Variants in ZNF892 observed in about 807,000 individuals in gnomAD.
ZNF892 encodes zinc finger protein 892.
At chr2:95,255,482 G>C in the ZNF892 span, among the ~76,000 whole-genome samples, 1 of 152,140 alleles carries the variant, frequency 6.6e-6, no homozygotes, top group African/African-American at 2.4e-5. Flanking sequence ...ATTTGCTGAG[G>C]AGTGCTTTAC....
At chr2:95,249,617 T>A in the ZNF892 span, among the ~76,000 whole-genome samples, 1 of 152,080 alleles carries the variant, frequency 6.6e-6, no homozygotes. Flanking sequence ...AATATTTGAA[T>A]CATCTCAATA....
At chr2:95,245,820 A>G in the ZNF892 span, among the ~76,000 whole-genome samples, 2 of 152,210 alleles carry the variant, frequency 1.3e-5, no homozygotes, top group South Asian at 4.1e-4. Context: ...AATCAGGAAG[A>G]AATTAAATCC....
the ZNF892 span, among the ~76,000 whole-genome samples, chr2:95,241,897 A>C: frequency 6.6e-6 from 1 of 152,186 alleles, no homozygotes; most frequent in African/African-American, 2.4e-5. Context: ...AAAGAATCTC[A>C]GAGCTCAAAG....
At chr2:95,223,640 A>G in the ZNF892 span, among the ~76,000 whole-genome samples, 27 of 152,302 alleles carry the variant, frequency 1.8e-4, no homozygotes, top group African/African-American at 4.6e-4. Context: ...AGCTCAAGCA[A>G]TCTGCCCACC....
the ZNF892 span, among the ~76,000 whole-genome samples, chr2:95,258,497 G>A: frequency 1.3e-5 from 2 of 152,160 alleles, no homozygotes; most frequent in African/African-American, 2.4e-5. Context: ...AATGGACGTG[G>A]GTTACAGATT....
At chr2:95,246,974 A>C in the ZNF892 span, among the ~76,000 whole-genome samples, 1 of 152,238 alleles carries the variant, frequency 6.6e-6, no homozygotes, top group African/African-American at 2.4e-5. Flanking sequence ...TTAAACTACC[A>C]TCAACATTCT....
the ZNF892 span, chr2:95,215,653 A>G: frequency 7.5e-6 from 3 of 398,384 alleles, no homozygotes; most frequent in East Asian, 1.1e-4. Context: ...AGCATTTACC[A>G]TACTTGCTGT....
chr2:95,262,534 A>T, the ZNF892 span, among the ~76,000 whole-genome samples: 2 of 152,206 alleles, frequency 1.3e-5, no homozygotes, highest in African/African-American at 4.8e-5. Context: ...TGAGACCAGG[A>T]GGGATACACC....
At chr2:95,220,375 G>C in the ZNF892 span, among the ~76,000 whole-genome samples, 1 of 147,792 alleles carries the variant, frequency 6.8e-6, no homozygotes, top group Admixed American at 6.7e-5. Context: ...GTCTGTGCCT[G>C]TTGGCGTTTC....
the ZNF892 span, among the ~76,000 whole-genome samples, chr2:95,252,037 C>A: frequency 6.6e-6 from 1 of 152,134 alleles, no homozygotes; most frequent in Non-Finnish European, 1.5e-5. Context: ...TTCGGAGTCG[C>A]AAAGAAAATG....
At chr2:95,245,153 C>G in the ZNF892 span, among the ~76,000 whole-genome samples, 1 of 150,704 alleles carries the variant, frequency 6.6e-6, no homozygotes, top group Non-Finnish European at 1.5e-5. Flanking sequence ...AGCAAACAAA[C>G]TGCAGAAGAC....
At chr2:95,260,322 T>G in the ZNF892 span, among the ~76,000 whole-genome samples, 1 of 152,176 alleles carries the variant, frequency 6.6e-6, no homozygotes, top group Non-Finnish European at 1.5e-5. Context: ...TGCCACCTCC[T>G]TGCTTCACAC....
chr2:95,232,391 A>T, the ZNF892 span, among the ~76,000 whole-genome samples: 264 of 152,368 alleles, frequency 1.7e-3, no homozygotes, highest in African/African-American at 5.9e-3. Flanking sequence ...GTGACATTCC[A>T]GTGCTTGTGA....
the ZNF892 span, among the ~76,000 whole-genome samples, chr2:95,219,100 G>A: frequency 2.0e-5 from 3 of 152,132 alleles, no homozygotes; most frequent in East Asian, 1.9e-4. Context: ...CCAGGTTCAC[G>A]CCATTCTCCT....
At chr2:95,206,607 T>C in the ZNF892 span, among the ~76,000 whole-genome samples, 1 of 152,232 alleles carries the variant, frequency 6.6e-6, no homozygotes, top group African/African-American at 2.4e-5. Flanking sequence ...GCTTTAAATC[T>C]TTCATTATAA....
the ZNF892 span, among the ~76,000 whole-genome samples, chr2:95,235,580 C>T: frequency 6.6e-6 from 1 of 152,126 alleles, no homozygotes. Flanking sequence ...CCAGGATGGT[C>T]TTGATCTCCT....
the ZNF892 span, among the ~76,000 whole-genome samples, chr2:95,252,839 A>G: frequency 6.6e-6 from 1 of 152,204 alleles, no homozygotes; most frequent in Non-Finnish European, 1.5e-5. Flanking sequence ...ATGGCCAGAG[A>G]TGATGAGCAT....
chr2:95,227,591 G>A, the ZNF892 span, among the ~76,000 whole-genome samples: 1 of 151,824 alleles, frequency 6.6e-6, no homozygotes, highest in African/African-American at 2.4e-5. Context: ...CAAAGTGCTG[G>A]GATTACAGGC....
the ZNF892 span, among the ~76,000 whole-genome samples, chr2:95,256,458 C>T: frequency 6.6e-6 from 1 of 152,330 alleles, no homozygotes; most frequent in African/African-American, 2.4e-5. Flanking sequence ...GTCTGATGGG[C>T]TTCCCTTTGT....
Sources: allele counts gnomAD v4.1 joint callset (sites outside exome capture counted in the v4.1 genomes callset), GRCh38; gene constraint gnomAD v4.1.1; transcripts MANE v1.5; gene names NCBI Gene and HGNC (gene_info 2026-07-23, HGNC 2026-07-21).